The following RBM4 variants were observed in gnomAD, a reference collection of about 807,000 sequenced individuals.
RBM4 encodes the protein RNA-binding protein 4.
RBM4 carries 7 observed loss-of-function variants against 29.5 expected under a neutral mutation model. The ratio of observed to expected loss-of-function variants is 0.24; its 90% CI spans 0.14 to 0.45. The LOEUF is 0.45. RBM4 is among the 20% of genes least tolerant of loss of function. The pLI is 1.00. For synonymous variants in RBM4, 220 were observed against 205.4 expected (o/e 1.07, Z -0.61); for missense variants, 387 against 502.3 (o/e 0.77, Z 2.19).
At chr11:66,659,531 G>A (rs929934341) in intron 2 of RBM4, among the ~76,000 whole-genome samples, 7 of 151,860 alleles carry the variant, frequency 4.6e-5, no homozygotes, top group Non-Finnish European at 8.8e-5. Context: ...TGCCCGCCTT[G>A]GCCTCCCAAC....
chr11:66,640,481 C>A, intron 2 of RBM4: 1 of 447,840 alleles, frequency 2.2e-6, no homozygotes, highest in South Asian at 5.3e-5. Context: ...ATTTATTGCC[C>A]TCAGCACAGG....
intron 2 of RBM4, 129 bp downstream of exon 2, chr11:66,640,252 G>A (rs1010201097): frequency 3.5e-5 from 43 of 1,244,196 alleles, no homozygotes; most frequent in Non-Finnish European, 4.8e-5. Context: ...ATAAGTGTGG[G>A]TGATGGACTT....
At chr11:66,666,831 G>A (rs1252037426) in exon 3 of RBM4, 1 of 152,086 alleles carries the variant, frequency 6.6e-6, no homozygotes, top group East Asian at 1.9e-4. Context: ...CATGCATATA[G>A]GGTACAACTT....
At chr11:66,642,618 G>C (rs1259481956) in intron 2 of RBM4, among the ~76,000 whole-genome samples, 2 of 152,156 alleles carry the variant, frequency 1.3e-5, no homozygotes, top group African/African-American at 4.8e-5. Context: ...TGAGCAGTTT[G>C]GTCCACTGAC....
chr11:66,639,067 G>C (rs1243027809), intron 1 of RBM4: 1 of 152,248 alleles, frequency 6.6e-6, no homozygotes, highest in African/African-American at 2.4e-5. Context: ...TTCTCGGGCC[G>C]TGAGACATCG....
Position 66,643,624 on chromosome 11 carries a change from C to T in RBM4, c.587C>T (p.Ala196Val). The change falls in exon 3 of 4, where the codon GCA becomes GTA. Residue 196 changes from alanine to valine, a missense_variant. Ala to Val is a moderately conservative substitution (Grantham distance 64, BLOSUM62 0). This residue lies in a region of RBM4 where 281 missense variants were observed against 288.7 expected (regional missense o/e 0.97). Coordinates refer to ENST00000310092, the MANE Select transcript of RBM4 (RefSeq NM_002896.4). The surrounding 1 kb of genome is among the most constrained non-coding windows in gnomAD (Gnocchi z 6.1). ...LTEQYNEQYG[A>V]VRTPYTMSYG... The stretch of plus-strand genomic sequence containing the variant: ...GAGCAATATAATGAGCAATACGGAG[C>T]AGTGCGTACGCCTTACACCATGAGC... The T allele has an allele frequency of 6.2e-7, 1 of 1,614,184 alleles. No homozygotes were observed. Among genetic ancestry groups the T allele is most frequent in the Non-Finnish European group, 8.5e-7 (1 of 1,180,036 alleles).
chr11:66,658,202 A>G (rs1938990169), intron 2 of RBM4, among the ~76,000 whole-genome samples: 1 of 148,696 alleles, frequency 6.7e-6, no homozygotes, highest in South Asian at 2.1e-4. Flanking sequence ...CTAATTTTGT[A>G]TTTTTAGTAG....
intron 2 of RBM4, among the ~76,000 whole-genome samples, chr11:66,662,462 C>T (rs550670129): frequency 5.4e-4 from 82 of 152,018 alleles, no homozygotes; most frequent in Admixed American, 1.5e-3. Flanking sequence ...AGTGCATTGG[C>T]GTGATCTTGG....
At chr11:66,645,086 CCTT>C (rs1590865651) in intron 3 of RBM4, among the ~76,000 whole-genome samples, 2 of 151,870 alleles carry the variant, frequency 1.3e-5, no homozygotes, top group East Asian at 3.9e-4. Context: ...CAAATCACTC[CCTT>C]CTTCATCTTC....
intron 3 of RBM4, 82 bp downstream of exon 3, chr11:66,644,222 G>T (rs1590864703): frequency 6.6e-7 from 1 of 1,510,408 alleles, no homozygotes; most frequent in East Asian, 2.3e-5. Flanking sequence ...TGCCCTGCTT[G>T]CTTGCTTGCT....
At chr11:66,652,525 T>C (rs1472726257) in intron 2 of RBM4, among the ~76,000 whole-genome samples, 2 of 152,226 alleles carry the variant, frequency 1.3e-5, no homozygotes, top group Admixed American at 1.3e-4. Flanking sequence ...TTTGAAGCCT[T>C]AATATTTGCT....
chr11:66,644,631 C>T (rs1938613835), intron 3 of RBM4: 18 of 949,532 alleles, frequency 1.9e-5, no homozygotes, highest in Non-Finnish European at 2.3e-5. Flanking sequence ...CATCACTGCT[C>T]AGGTCCCAGT....
At chr11:66,655,711 TAACAG>T (rs2135084595) in intron 2 of RBM4, among the ~76,000 whole-genome samples, 1 of 152,210 alleles carries the variant, frequency 6.6e-6, no homozygotes, top group African/African-American at 2.4e-5. Flanking sequence ...GGGAGTGTTC[TAACAG>T]TAAGGAGGCC....
At chr11:66,651,655 G>A (rs1406326449) in intron 2 of RBM4, among the ~76,000 whole-genome samples, 3 of 152,000 alleles carry the variant, frequency 2.0e-5, no homozygotes, top group Non-Finnish European at 1.5e-5. Flanking sequence ...GCCAACAGGA[G>A]GATTTTTTTA....
intron 2 of RBM4, among the ~76,000 whole-genome samples, chr11:66,664,177 T>TG (rs1398384607): frequency 1.3e-5 from 2 of 148,344 alleles, no homozygotes; most frequent in East Asian, 2.0e-4. Context: ...AGCTGTTTTT[T>TG]TTTTTTTTTT....
downstream of RBM4, among the ~76,000 whole-genome samples, chr11:66,650,988 C>T (rs1320076543): frequency 6.6e-6 from 1 of 152,190 alleles, no homozygotes; most frequent in East Asian, 1.9e-4. Flanking sequence ...CATCACTGGA[C>T]TCCATCCTGG....
exon 3 of RBM4, chr11:66,666,073 C>A: frequency 9.8e-7 from 1 of 1,024,134 alleles, no homozygotes; most frequent in South Asian, 1.7e-5. Flanking sequence ...TATCAAGGAG[C>A]AGCCAGTCAT....
At chr11:66,650,028 A>C (rs973651455), downstream of RBM4, 2 of 496,022 alleles carry the variant, frequency 4.0e-6, no homozygotes, top group African/African-American at 3.9e-5. Context: ...CCATGTGGCG[A>C]ATACAAAGAT....
At chr11:66,665,925 G>A (rs1590878048) in exon 3 of RBM4, 2 of 1,535,474 alleles carry the variant, frequency 1.3e-6, no homozygotes, top group East Asian at 4.9e-5. Context: ...TTCAAGAACT[G>A]CAATTTAATT....
Sources: gnomAD v4.1 joint callset for allele counts (sites outside exome capture counted in the v4.1 genomes callset) on GRCh38, gnomAD v4.1.1 for gene constraint, gnomAD v4.1.1 regional missense constraint, Gnocchi (gnomAD v3.1) non-coding constraint, MANE v1.5 for transcripts, NCBI Gene and HGNC (gene_info 2026-07-23, HGNC 2026-07-21) for gene names.